Variants in ME1 observed in about 807,000 individuals in gnomAD.
ME1 encodes malic enzyme 1.
In ME1, 74 loss-of-function variants were observed where a neutral mutation model predicts 66.4. That is an observed-to-expected ratio of 1.11 (90% confidence interval 0.92 to 1.35). ME1 has a LOEUF of 1.35. ME1 is among the 40% of genes most tolerant of loss of function. The pLI is 0.00. For synonymous variants in ME1, 251 were observed against 235.6 expected, an observed-to-expected ratio of 1.07 and a Z score of -0.60; for missense variants, 750 against 694.1, an observed-to-expected ratio of 1.08 and a Z score of -0.90.
chr6:83,368,772 C>G (rs895367761), intron 3 of ME1, among the ~76,000 whole-genome samples: 2 of 151,980 alleles, frequency 1.3e-5, no homozygotes, highest in African/African-American at 4.8e-5. Context: ...GGCTATGAAT[C>G]CTTAGAACAG....
chr6:83,392,875 C>A, intron 3 of ME1: 1 of 785,716 alleles, frequency 1.3e-6, no homozygotes, highest in South Asian at 1.3e-5. Context: ...TCCTGCACCA[C>A]CAGCTGCTTA....
At position 83,239,636 on chromosome 6, in the gene ME1, C is replaced by G; in HGVS notation, c.815G>C (p.Gly272Ala). Residue 272 changes from glycine to alanine, a missense_variant and splice_region_variant, in exon 8 of 14, where the codon GGA becomes GCA. By Grantham distance (60) the Gly-to-Ala change is moderately conservative (BLOSUM62 0). Coordinates refer to ENST00000369705, the MANE Select transcript of ME1 (RefSeq NM_002395.6). Reference protein sequence around the residue: ...QYCTFNDDIQGTASVAVAGLL... With the variant: ...QYCTFNDDIQATASVAVAGLL... ...ACCTGCAACTGCAACAGATGCTGTT[C>G]CTGAAACAAGTAATAAATATCCTTG... The G allele has an allele frequency of 6.2e-7, 1 of 1,608,282 alleles. No individual in the cohort carries two copies. Among genetic ancestry groups the G allele is most frequent in the Non-Finnish European group, 8.5e-7 (1 of 1,174,876 alleles).
At chr6:83,327,792 C>T (rs534812625) in intron 5 of ME1, among the ~76,000 whole-genome samples, 1 of 152,252 alleles carries the variant, frequency 6.6e-6, no homozygotes, top group South Asian at 2.1e-4. Context: ...TTGAAAATCC[C>T]TAATAAAAAC....
At chr6:83,229,800 C>A (rs1790263801) in intron 9 of ME1, among the ~76,000 whole-genome samples, 1 of 152,088 alleles carries the variant, frequency 6.6e-6, no homozygotes, top group Non-Finnish European at 1.5e-5. Flanking sequence ...AATTTTCTTT[C>A]TTTAAAGGGT....
At position 83,398,473 on chromosome 6, in the gene ME1, A is replaced by G; in HGVS notation, c.256T>C (p.Phe86Leu). The G allele has an allele frequency of 1.3e-6, 2 of 1,583,286 alleles. No homozygotes were observed. The highest frequency in any genetic ancestry group is 1.7e-6 in the Non-Finnish European group (2 of 1,160,494). The change falls in exon 3 of 14, where the codon TTT becomes CTT. Residue 86 changes from phenylalanine to leucine, a missense_variant. Physicochemically the swap from Phe to Leu is conservative, Grantham distance 22 (BLOSUM62 0). Coordinates refer to ENST00000369705, the MANE Select transcript of ME1 (RefSeq NM_002395.6). ...ATGTCAGATGTCAGCACTCTATAAA[A>G]GAGTTTTTCATTTCTATCTTGGAGA... Reference protein sequence around the residue: ...MDLQDRNEKLFYRVLTSDIEK... With the variant: ...MDLQDRNEKLLYRVLTSDIEK...
intron 3 of ME1, among the ~76,000 whole-genome samples, chr6:83,353,458 GA>G (rs921163243): frequency 2.6e-5 from 4 of 151,984 alleles, no homozygotes; most frequent in African/African-American, 4.8e-5. Flanking sequence ...GGTTGATATA[GA>G]AAAAGGAAAA....
At chr6:83,257,417 A>T (rs1766793706) in intron 6 of ME1, among the ~76,000 whole-genome samples, 1 of 152,120 alleles carries the variant, frequency 6.6e-6, no homozygotes, top group East Asian at 1.9e-4. Context: ...AGCATGACAG[A>T]GTGAAGAAGG....
At chr6:83,360,458 G>A (rs1427683185) in intron 3 of ME1, among the ~76,000 whole-genome samples, 1 of 152,184 alleles carries the variant, frequency 6.6e-6, no homozygotes, top group Non-Finnish European at 1.5e-5. Context: ...CCAACTTACA[G>A]TGAGTCCCTG....
At chr6:83,225,824 A>ATATC (rs989538590) in intron 11 of ME1, among the ~76,000 whole-genome samples, 6 of 148,424 alleles carry the variant, frequency 4.0e-5, no homozygotes, top group Non-Finnish European at 8.9e-5. Context: ...ATATATATAT[A>ATATC]TATATATATA....
At chr6:83,231,394 A>T (rs550892954) in intron 9 of ME1, among the ~76,000 whole-genome samples, 30 of 152,280 alleles carry the variant, frequency 2.0e-4, no homozygotes, top group Middle Eastern at 3.4e-3. Flanking sequence ...AAGAATGCTG[A>T]AAAAAGTCCA....
chr6:83,423,196 C>CT (rs35067753), intron 1 of ME1, among the ~76,000 whole-genome samples: 181 of 143,984 alleles, frequency 1.3e-3, no homozygotes, highest in Admixed American at 2.6e-3. Flanking sequence ...AGAGAAATGG[C>CT]TTTTTTTTTT....
At chr6:83,422,963 A>G (rs573845442) in intron 1 of ME1, among the ~76,000 whole-genome samples, 4 of 152,230 alleles carry the variant, frequency 2.6e-5, no homozygotes, top group African/African-American at 7.2e-5. Context: ...GGCTGAAAAC[A>G]TATCAAATTT....
At chr6:83,256,574 C>T (rs1454965140) in intron 6 of ME1, among the ~76,000 whole-genome samples, 2 of 152,096 alleles carry the variant, frequency 1.3e-5, no homozygotes, top group Non-Finnish European at 2.9e-5. Context: ...GAAATAGGAA[C>T]GCTTTTACAC....
intron 6 of ME1, among the ~76,000 whole-genome samples, chr6:83,282,947 G>A (rs148559588): frequency 1.3e-5 from 2 of 151,556 alleles, no homozygotes; most frequent in East Asian, 3.9e-4. Context: ...TGATGAGTTC[G>A]GCCGGGCGCG....
intron 12 of ME1, among the ~76,000 whole-genome samples, chr6:83,220,508 G>A (rs566994260): frequency 1.6e-4 from 25 of 152,194 alleles, no homozygotes; most frequent in African/African-American, 5.8e-4. Flanking sequence ...TATTCTTTGA[G>A]ATTGGTGCTA....
At chr6:83,403,978 T>A (rs1482442638) in intron 2 of ME1, among the ~76,000 whole-genome samples, 1 of 152,216 alleles carries the variant, frequency 6.6e-6, no homozygotes. Flanking sequence ...TGTGCATGTG[T>A]CTTTATAGTA....
chr6:83,343,382 C>T (rs1173002079), intron 5 of ME1, among the ~76,000 whole-genome samples: 2 of 152,154 alleles, frequency 1.3e-5, no homozygotes, highest in South Asian at 4.1e-4. Flanking sequence ...AAAGGTCTCT[C>T]AAAGACCTCT....
At chr6:83,313,669 G>A (rs909247744) in intron 6 of ME1, among the ~76,000 whole-genome samples, 1 of 152,112 alleles carries the variant, frequency 6.6e-6, no homozygotes, top group African/African-American at 2.4e-5. Flanking sequence ...TTGCTACTGA[G>A]GAAGTTGGAT....
rs1358966725 is a variant in ME1 at position 83,210,447 on chromosome 6, A to C, written c.*1477T>G. The C allele has an allele frequency of 1.3e-5, 2 of 152,622 alleles. No individual in the cohort carries two copies. The highest frequency in any genetic ancestry group is 2.9e-5 in the Non-Finnish European group (2 of 68,042). 9.5% of individuals were successfully genotyped at this position (152,622 alleles called of 1,614,324 possible). A position where few individuals can be genotyped will look rare whatever the true frequency, so the allele number is the denominator to read the frequency against. On this transcript the variant is annotated 3_prime_UTR_variant, in exon 14 of 14. Transcript: ENST00000369705. The stretch of plus-strand genomic sequence containing the variant: ...ATTCATTCACCTTTTCTATGCTTTA[A>C]TAAATCTTTTGCATAGGTAAACACA...
Sources: allele counts gnomAD v4.1 joint callset (sites outside exome capture counted in the v4.1 genomes callset), GRCh38; gene constraint gnomAD v4.1.1; transcripts MANE v1.5; gene names NCBI Gene and HGNC (gene_info 2026-07-23, HGNC 2026-07-21).